Variants in SLC35F1 observed in about 807,000 individuals in gnomAD.
SLC35F1 encodes the protein chromosome 6 open reading frame 169.
In SLC35F1, 14 loss-of-function variants were observed where a neutral mutation model predicts 48.7. The observed-to-expected ratio is 0.29, with a 90% CI of 0.19 to 0.45. The LOEUF is 0.45. Ranked by LOEUF, SLC35F1 falls within the 20% of genes least tolerant of loss-of-function variation. SLC35F1 has a pLI of 1.00. For missense variants in SLC35F1, 404 were observed against 500.0 expected (o/e 0.81, Z 1.83); for synonymous variants, 190 against 202.2 (o/e 0.94, Z 0.51).
chr6:117,944,590 CAT>C (rs59570452), intron 1 of SLC35F1, among the ~76,000 whole-genome samples: 18,004 of 132,244 alleles, frequency 0.14, 1,047 homozygotes, highest in African/African-American at 0.16. Context: ...CACACATACA[CAT>C]ACACACACAC....
chr6:117,914,541 C>G (rs551908273), intron 1 of SLC35F1, among the ~76,000 whole-genome samples: 2 of 152,240 alleles, frequency 1.3e-5, no homozygotes, highest in African/African-American at 4.8e-5. Context: ...GAATTTTATT[C>G]AATGAGTGTT....
At chr6:117,989,268 G>A (rs78395633) in intron 1 of SLC35F1, among the ~76,000 whole-genome samples, 2,721 of 152,274 alleles carry the variant, frequency 0.018, 32 homozygotes, top group East Asian at 0.032. Flanking sequence ...ATTTTTAGCT[G>A]AACACATTTT....
At chr6:118,169,561 C>A (rs922755771) in intron 2 of SLC35F1, among the ~76,000 whole-genome samples, 4 of 152,128 alleles carry the variant, frequency 2.6e-5, no homozygotes, top group African/African-American at 9.7e-5. Flanking sequence ...TGCGCTCTCT[C>A]GATCCACATC....
chr6:118,247,501 T>G (rs1379402537), intron 3 of SLC35F1, among the ~76,000 whole-genome samples: 1 of 152,240 alleles, frequency 6.6e-6, no homozygotes, highest in African/African-American at 2.4e-5. Context: ...ATGAATGTGT[T>G]CCCAAAATAA....
intron 1 of SLC35F1, among the ~76,000 whole-genome samples, chr6:118,031,091 A>G (rs1772040153): frequency 1.3e-5 from 2 of 152,184 alleles, no homozygotes; most frequent in South Asian, 4.1e-4. Context: ...AGAATGATAC[A>G]TTTGTTAAAA....
At chr6:118,232,072 A>T (rs908688983) in intron 2 of SLC35F1, among the ~76,000 whole-genome samples, 1 of 152,222 alleles carries the variant, frequency 6.6e-6, no homozygotes. Flanking sequence ...CATTGCTGAG[A>T]TTATTAAACA....
At chr6:118,305,606 A>G (rs948947370) in intron 7 of SLC35F1, among the ~76,000 whole-genome samples, 2 of 152,178 alleles carry the variant, frequency 1.3e-5, no homozygotes, top group African/African-American at 4.8e-5. Flanking sequence ...CTTGCCTTAC[A>G]AGCAGATGCA....
chr6:118,301,870 G>A (rs973964344), intron 7 of SLC35F1, among the ~76,000 whole-genome samples: 6 of 152,152 alleles, frequency 3.9e-5, no homozygotes, highest in Non-Finnish European at 5.9e-5. Context: ...GATGTAGACT[G>A]TAACTGTCCT....
intron 1 of SLC35F1, among the ~76,000 whole-genome samples, chr6:118,111,501 T>C (rs1260975145): frequency 6.6e-6 from 1 of 152,296 alleles, no homozygotes; most frequent in East Asian, 1.9e-4. Context: ...CCAGTGAAGT[T>C]ATCTCTTGAA....
intron 1 of SLC35F1, among the ~76,000 whole-genome samples, chr6:117,926,160 A>T (rs182617074): frequency 6.6e-6 from 1 of 152,194 alleles, no homozygotes; most frequent in East Asian, 1.9e-4. Context: ...CAAGGGTGGG[A>T]CCAGCTGGAG....
chr6:118,091,560 C>A (rs1459032560), intron 1 of SLC35F1, among the ~76,000 whole-genome samples: 2 of 152,124 alleles, frequency 1.3e-5, no homozygotes, highest in South Asian at 2.1e-4. Context: ...CATTAAACAT[C>A]TTTTTCCTGA....
intron 2 of SLC35F1, among the ~76,000 whole-genome samples, chr6:118,154,869 T>G (rs1311773239): frequency 6.6e-6 from 1 of 152,226 alleles, no homozygotes; most frequent in African/African-American, 2.4e-5. Flanking sequence ...GCTCACTTTT[T>G]GAATCCCCGT....
intron 1 of SLC35F1, among the ~76,000 whole-genome samples, chr6:118,024,795 C>T (rs1435703072): frequency 6.6e-6 from 1 of 152,122 alleles, no homozygotes; most frequent in Non-Finnish European, 1.5e-5. Flanking sequence ...GAAACTTCAT[C>T]TGCAACTCTT....
At chr6:118,172,235 T>G (rs1186941106) in intron 2 of SLC35F1, among the ~76,000 whole-genome samples, 1 of 152,140 alleles carries the variant, frequency 6.6e-6, no homozygotes, top group Non-Finnish European at 1.5e-5. Flanking sequence ...CTTCCAACAT[T>G]TGGATTTTGG....
At chr6:118,135,118 C>T (rs1482547753) in intron 1 of SLC35F1, among the ~76,000 whole-genome samples, 1 of 152,148 alleles carries the variant, frequency 6.6e-6, no homozygotes, top group Non-Finnish European at 1.5e-5. Context: ...AATAAGGCAT[C>T]CTGCTAGGCA....
chr6:117,994,210 C>G (rs1188317006), intron 1 of SLC35F1, among the ~76,000 whole-genome samples: 2 of 151,996 alleles, frequency 1.3e-5, no homozygotes. Context: ...TTGCCCCCCC[C>G]ATCCTCAACA....
intron 1 of SLC35F1, among the ~76,000 whole-genome samples, chr6:118,008,460 G>A (rs1777204129): frequency 6.6e-6 from 1 of 152,106 alleles, no homozygotes; most frequent in Admixed American, 6.5e-5. Flanking sequence ...ATTAATTTCA[G>A]GTTTGATGTT....
In SLC35F1 at chr6:118,315,036, G is replaced by T. The variant is rs913787554; in HGVS notation, c.*784G>T. The T allele has an allele frequency of 7.9e-5, 12 of 152,568 alleles. No homozygotes were observed. Among genetic ancestry groups the T allele is most frequent in the Non-Finnish European group, 1.6e-4 (11 of 68,022 alleles). The allele number at this position is 152,568 out of a possible 1,614,324, so 9.5% of individuals were successfully genotyped here. A position where few individuals can be genotyped will look rare whatever the true frequency, so the allele number is the denominator to read the frequency against. On this transcript the variant is annotated 3_prime_UTR_variant, in exon 8 of 8. Transcript: ENST00000360388. ...TTACTGTGGCTTTTGGGAGCCCCCA[G>T]AAATAATATCATTTGTGTTTAGGAC...
intron 1 of SLC35F1, among the ~76,000 whole-genome samples, chr6:118,034,293 C>T (rs2114895752): frequency 6.6e-6 from 1 of 152,168 alleles, no homozygotes. Context: ...TATGGTGGCT[C>T]AAACCTGTAA....
Sources: allele counts gnomAD v4.1 joint callset (sites outside exome capture counted in the v4.1 genomes callset), GRCh38; gene constraint gnomAD v4.1.1; transcripts MANE v1.5; gene names NCBI Gene and HGNC (gene_info 2026-07-23, HGNC 2026-07-21).